MAL: variants seen among roughly 807,000 people sequenced by gnomAD.
MAL encodes the protein myelin and lymphocyte protein.
MAL carries 5 observed loss-of-function variants against 16.7 expected under a neutral mutation model. That is an observed-to-expected ratio of 0.30 (90% confidence interval 0.16 to 0.63). MAL has a LOEUF of 0.63. Ranked by LOEUF, MAL falls within the 30% of genes least tolerant of loss-of-function variation. MAL has a pLI of 0.82. For synonymous variants in MAL, 96 were observed against 85.5 expected, an observed-to-expected ratio of 1.12 and a Z score of -0.67; for missense variants, 202 against 195.8, an observed-to-expected ratio of 1.03 and a Z score of -0.19.
chr2:95,033,556 T>A (rs1211810096), intron 1 of MAL, among the ~76,000 whole-genome samples: 1 of 151,882 alleles, frequency 6.6e-6, no homozygotes, highest in Admixed American at 6.6e-5. Context: ...GGTGAGAGGA[T>A]CACTTGAGGT....
rs564849288 is a variant in MAL at position 95,036,737 on chromosome 2, CTGAG to C, written c.93+10860_93+10863del. Reference sequence around the variant, plus strand: ...AGTGACCAAGTGAGTGAGTGAGTGGCTGAGTGAGTGACCGAGTGAGTGACTGAGT... The same window carrying C: ...AGTGACCAAGTGAGTGAGTGAGTGGCTGAGTGACCGAGTGAGTGACTGAGT... On this transcript the variant is annotated intron_variant, in intron 1 of 3. Transcript: ENST00000309988. Among the ~76,000 whole-genome samples the C allele has an allele frequency of 1.2e-4, 15 of 129,378 alleles. No individual in the cohort carries two copies. The South Asian group carries it at 3.7e-3, about 32-fold the overall frequency. 84.9% of individuals were successfully genotyped at this position (129,378 alleles called of 152,430 possible).
intron 1 of MAL, among the ~76,000 whole-genome samples, chr2:95,035,751 C>A (rs542576240): frequency 4.0e-5 from 6 of 151,048 alleles, no homozygotes; most frequent in Non-Finnish European, 8.8e-5. Flanking sequence ...CTCACTGCAA[C>A]CTCTGCCTCC....
chr2:95,038,888 CTGAG>C (rs1324794651), intron 1 of MAL, among the ~76,000 whole-genome samples: 4 of 99,548 alleles, frequency 4.0e-5, no homozygotes, highest in Admixed American at 4.0e-4. Context: ...GAGTGAGTGA[CTGAG>C]TGGGTGAGTG....
rs1166931080 is a variant in MAL at position 95,048,020 on chromosome 2, A to G, written c.155A>G (p.Gln52Arg). 12 of 1,613,732 alleles carry G rather than the reference A, an allele frequency of 7.4e-6. No individual in the cohort carries two copies. The highest frequency in any genetic ancestry group is 1.0e-5 in the Non-Finnish European group (12 of 1,179,908). ...ASSLVPWPLV[Q>R]GWVMFVSVFC... ...TCCCTGGTGCCCTGGCCCCTGGTCC[A>G]GGGCTGGGTGATGTTCGTGTCTGTG... Residue 52 changes from glutamine (Q) to arginine (R), a missense_variant, in exon 2 of 4, where the codon CAG (glutamine) becomes CGG (arginine). Physicochemically the swap from Gln to Arg is conservative, Grantham distance 43. Coordinates refer to ENST00000309988, the MANE Select transcript of MAL (RefSeq NM_002371.4).
chr2:95,029,456 T>C (rs1674024536), intron 1 of MAL, among the ~76,000 whole-genome samples: 2 of 152,260 alleles, frequency 1.3e-5, no homozygotes, highest in Admixed American at 1.3e-4. Context: ...GATTTATACA[T>C]GTTGACTTTG....
In MAL at chr2:95,025,933, G is replaced by T; in HGVS notation, c.93+48G>T. 2.1e-6 allele frequency: 3 copies of T among 1,456,470 alleles called. No individual in the cohort carries two copies. Among genetic ancestry groups the T allele is most frequent in the Non-Finnish European group, 2.8e-6 (3 of 1,078,120 alleles). 90.2% of individuals were successfully genotyped at this position (1,456,470 alleles called of 1,614,324 possible). A position where few individuals can be genotyped will look rare whatever the true frequency, so the allele number is the denominator to read the frequency against. Reference sequence around the variant, plus strand: ...AGGGACGGGGTGGGCTGAGCCGTGCGCTCTCTCGGGCGCCCAGCACAGCTG... The same window carrying T: ...AGGGACGGGGTGGGCTGAGCCGTGCTCTCTCTCGGGCGCCCAGCACAGCTG... On this transcript the variant is annotated intron_variant, in intron 1 of 3. Coordinates refer to ENST00000309988, the MANE Select transcript of MAL (RefSeq NM_002371.4). This position sits in a 1 kb window ranked among gnomAD's most constrained non-coding sequence, Gnocchi z 5.6.
At chr2:95,035,581 G>C (rs372634522) in intron 1 of MAL, among the ~76,000 whole-genome samples, 4 of 152,142 alleles carry the variant, frequency 2.6e-5, no homozygotes, top group East Asian at 3.9e-4. Context: ...GCTCAAGGGG[G>C]GTGAGATTGC....
chr2:95,039,343 A>ACAGTGG (rs1674376914), intron 1 of MAL, among the ~76,000 whole-genome samples: 1 of 148,838 alleles, frequency 6.7e-6, no homozygotes, highest in Admixed American at 6.7e-5. Context: ...TGAGTGAGTG[A>ACAGTGG]GTGAGTGACT....
chr2:95,041,690 C>G (rs1573296532), intron 1 of MAL, among the ~76,000 whole-genome samples: 2 of 152,166 alleles, frequency 1.3e-5, no homozygotes, highest in Non-Finnish European at 2.9e-5. Flanking sequence ...ACCCTGGCTC[C>G]CAAGTGCACA....
chr2:95,030,012 T>C (rs1674037009), intron 1 of MAL, among the ~76,000 whole-genome samples: 1 of 152,200 alleles, frequency 6.6e-6, no homozygotes, highest in African/African-American at 2.4e-5. Flanking sequence ...CAGATTCCCA[T>C]GCCTGACCTC....
chr2:95,046,680 G>C (rs1674592959), intron 1 of MAL, among the ~76,000 whole-genome samples: 1 of 152,024 alleles, frequency 6.6e-6, no homozygotes, highest in East Asian at 1.9e-4. Context: ...CCACGGGACT[G>C]TACTTTCCTC....
intron 1 of MAL, among the ~76,000 whole-genome samples, chr2:95,028,825 C>T (rs920040857): frequency 1.4e-4 from 21 of 152,134 alleles, no homozygotes; most frequent in African/African-American, 4.3e-4. Flanking sequence ...TGTATGATTC[C>T]GTTTATATAA....
intron 1 of MAL, among the ~76,000 whole-genome samples, chr2:95,043,683 G>T (rs1674521488): frequency 6.6e-6 from 1 of 152,224 alleles, no homozygotes; most frequent in African/African-American, 2.4e-5. Context: ...AGCCGGGAAT[G>T]AAATCTCTCC....
intron 1 of MAL, among the ~76,000 whole-genome samples, chr2:95,046,877 G>GAGAGAGAGAGAGAAAAGAA (rs1409458574): frequency 4.0e-5 from 6 of 149,248 alleles, no homozygotes; most frequent in Non-Finnish European, 3.0e-5. Context: ...AAGAGAAAGG[G>GAGAGAGAGAGAGAAAAGAA]AGAGAGAGAG....
At chr2:95,034,835 G>T (rs1008669614) in intron 1 of MAL, among the ~76,000 whole-genome samples, 1 of 152,090 alleles carries the variant, frequency 6.6e-6, no homozygotes, top group Non-Finnish European at 1.5e-5. Context: ...CCCCTCCACC[G>T]GGAAGCCCAC....
rs1207318998 is a variant in MAL, at chr2:95,025,921, G to A, written c.93+36G>A. ...CCTGGCCGGGGAAGGGACGGGGTGG[G>A]CTGAGCCGTGCGCTCTCTCGGGCGC... On this transcript the variant is annotated intron_variant, in intron 1 of 3. Transcript: ENST00000309988. This position sits in a 1 kb window ranked among gnomAD's most constrained non-coding sequence, Gnocchi z 5.6. 13 of 1,498,176 alleles carry A rather than the reference G, an allele frequency of 8.7e-6. No individual in the cohort carries two copies. Among genetic ancestry groups the A allele is most frequent in the Admixed American group, 8.5e-5 (4 of 47,272 alleles). The allele number at this position is 1,498,176 out of a possible 1,614,324, so 92.8% of individuals were successfully genotyped here.
In MAL at chr2:95,049,649, C is replaced by A; in HGVS notation, c.330C>A (p.Thr110=). Residue 110 remains threonine (T), a synonymous_variant, in exon 3 of 4, where the codon ACC becomes ACA. Transcript: ENST00000309988. The part of the protein sequence containing the change: ...LSASVLEALA[T]ITMQDGFTYR... The stretch of plus-strand genomic sequence containing the variant: ...CCTCAGTCCTGGAGGCCCTGGCCAC[C>A]ATCACGATGCAAGACGGCTTCACCT... 6.2e-7 allele frequency: 1 copy of A among 1,614,082 alleles called. No homozygotes were observed. Among genetic ancestry groups the A allele is most frequent in the South Asian group, 1.1e-5 (1 of 91,072 alleles).
chr2:95,029,434 ATTATG>A lies in MAL; in HGVS notation c.93+3552_93+3556del, dbSNP rs1251204074. Among the ~76,000 whole-genome samples the A allele has an allele frequency of 2.0e-5, 3 of 152,366 alleles. No individual in the cohort carries two copies. In the East Asian group the frequency reaches 5.8e-4, roughly 29 times the overall value. On this transcript the variant is annotated intron_variant, in intron 1 of 3. Coordinates refer to ENST00000309988, the MANE Select transcript of MAL (RefSeq NM_002371.4). ...TTCTGCAACATGCTTTCCAGGCAAC[ATTATG>A]TTCTGAGATTTATACATGTTGACTT...
intron 1 of MAL, among the ~76,000 whole-genome samples, chr2:95,037,529 C>CGAGTGAGTGACTGAGT (rs1674263808): frequency 2.5e-5 from 1 of 40,642 alleles, no homozygotes; most frequent in Admixed American, 2.1e-4. Flanking sequence ...AGTGAGCAAG[C>CGAGTGAGTGACTGAGT]GAGTGAGTGA....
Sources: allele counts gnomAD v4.1 joint callset (sites outside exome capture counted in the v4.1 genomes callset), GRCh38; gene constraint gnomAD v4.1.1; non-coding constraint Gnocchi (gnomAD v3.1); transcripts MANE v1.5; gene names NCBI Gene and HGNC (gene_info 2026-07-23, HGNC 2026-07-21).